Variants in SAMMSON observed in about 807,000 individuals in gnomAD.
The protein encoded by SAMMSON is long intergenic non-protein coding RNA 1212.
At chr3:70,008,291 G>A (rs138257139) in intron 1 of SAMMSON, among the ~76,000 whole-genome samples, 6 of 152,180 alleles carry the variant, frequency 3.9e-5, no homozygotes, top group East Asian at 1.9e-4. Context: ...TGGAATGTTC[G>A]TCCATTTGTT....
At chr3:70,242,801 C>A (rs984205367) in intron 4 of SAMMSON, among the ~76,000 whole-genome samples, 1 of 152,062 alleles carries the variant, frequency 6.6e-6, no homozygotes, top group South Asian at 2.1e-4. Flanking sequence ...TTTACACAAG[C>A]ATTGGTAATC....
rs115911111 is a variant in SAMMSON at position 70,229,266 on chromosome 3, G to A, written n.508-19841G>A. 6.5e-3 allele frequency among the ~76,000 whole-genome samples: 984 copies of A among 152,298 alleles called. 6 individuals are homozygous for A. Among genetic ancestry groups the A allele is most frequent in the African/African-American group, 0.023 (937 of 41,566 alleles). On this transcript the variant is annotated intron_variant and non_coding_transcript_variant, in intron 4 of 9. Transcript: ENST00000642114. ...TTCCAGAGATAGCCAAGGAGGGTGA[G>A]TGTGTGAAAGAATTTAGTGGGCAAC... is the stretch of plus-strand genomic sequence containing the variant.
intron 4 of SAMMSON, among the ~76,000 whole-genome samples, chr3:70,079,914 T>C (rs1247220635): frequency 6.6e-6 from 1 of 152,184 alleles, no homozygotes; most frequent in Non-Finnish European, 1.5e-5. Flanking sequence ...TGTGCTCTCC[T>C]CAGGGGCAGC....
At chr3:70,408,534 C>T (rs142218638) in intron 2 of SAMMSON, among the ~76,000 whole-genome samples, 6 of 152,282 alleles carry the variant, frequency 3.9e-5, no homozygotes, top group Non-Finnish European at 8.8e-5. Context: ...CAAAATGCTG[C>T]CAGTCTCTGC....
intron 4 of SAMMSON, among the ~76,000 whole-genome samples, chr3:70,247,902 T>C (rs981018619): frequency 2.6e-5 from 4 of 152,098 alleles, no homozygotes; most frequent in African/African-American, 9.6e-5. Context: ...GTTTCTGTTT[T>C]CTGTAGTAAA....
intron 4 of SAMMSON, among the ~76,000 whole-genome samples, chr3:70,131,776 G>A (rs148173923): frequency 2.4e-3 from 359 of 151,978 alleles, no homozygotes; most frequent in Non-Finnish European, 4.3e-3. Context: ...TAGAGGTAGG[G>A]TCTCACTAAA....
chr3:70,028,157 TC>T, intron 3 of SAMMSON, among the ~76,000 whole-genome samples: 1 of 135,368 alleles, frequency 7.4e-6, no homozygotes, highest in Admixed American at 7.8e-5. Context: ...CTTCCTTCCT[TC>T]CTTCCTTCCT....
intron 7 of SAMMSON, chr3:70,291,717 A>C (rs1357988280): frequency 6.6e-6 from 1 of 152,224 alleles, no homozygotes; most frequent in Non-Finnish European, 1.5e-5. Flanking sequence ...CCTGTGAGTC[A>C]CTGACAACAG....
intron 4 of SAMMSON, chr3:70,172,978 A>T (rs1218082111): frequency 2.0e-5 from 3 of 151,876 alleles, no homozygotes; most frequent in African/African-American, 7.3e-5. Flanking sequence ...TTGTCGAAGA[A>T]TTTTCTACTC....
chr3:70,150,875 C>T (rs1036456848), intron 4 of SAMMSON, among the ~76,000 whole-genome samples: 2 of 151,874 alleles, frequency 1.3e-5, no homozygotes, highest in African/African-American at 4.8e-5. Flanking sequence ...CTACAAATAA[C>T]AAATATCCAG....
chr3:70,053,133 C>T (rs1348793967), intron 3 of SAMMSON, among the ~76,000 whole-genome samples: 1 of 152,146 alleles, frequency 6.6e-6, no homozygotes, highest in African/African-American at 2.4e-5. Flanking sequence ...CCTTTTGGAG[C>T]ATTCATATCC....
At chr3:70,125,366 G>A (rs909561202) in intron 4 of SAMMSON, 3 of 1,449,412 alleles carry the variant, frequency 2.1e-6, no homozygotes, top group Non-Finnish European at 2.8e-6. Flanking sequence ...TCTACAGTTT[G>A]GTTCACCAGG....
intron 4 of SAMMSON, among the ~76,000 whole-genome samples, chr3:70,217,180 G>A (rs1475030939): frequency 6.6e-6 from 1 of 152,098 alleles, no homozygotes; most frequent in East Asian, 1.9e-4. Context: ...GAGGACCTGG[G>A]AGACCGTAGG....
intron 6 of SAMMSON, among the ~76,000 whole-genome samples, chr3:70,275,064 A>C (rs6549324): frequency 0.57 from 86,935 of 152,022 alleles, 26,178 homozygotes; most frequent in Non-Finnish European, 0.69. Flanking sequence ...AGGTGATATA[A>C]GCCTGCAGCT....
intron 3 of SAMMSON, among the ~76,000 whole-genome samples, chr3:70,038,544 T>G (rs984018658): frequency 6.6e-6 from 1 of 152,154 alleles, no homozygotes; most frequent in African/African-American, 2.4e-5. Flanking sequence ...CTAAATGTAC[T>G]AAGACTAGTA....
chr3:70,115,671 A>G (rs1215045418), intron 4 of SAMMSON, among the ~76,000 whole-genome samples: 1 of 152,148 alleles, frequency 6.6e-6, no homozygotes, highest in Non-Finnish European at 1.5e-5. Context: ...AGGCATTTGT[A>G]AGAATTTTCT....
intron 4 of SAMMSON, among the ~76,000 whole-genome samples, chr3:70,167,410 C>T (rs1223827558): frequency 6.6e-6 from 1 of 151,900 alleles, no homozygotes; most frequent in Non-Finnish European, 1.5e-5. Flanking sequence ...AAATAATACA[C>T]GTACATGAAA....
chr3:70,030,494 C>G (rs553114908), intron 3 of SAMMSON: 2 of 152,274 alleles, frequency 1.3e-5, no homozygotes, highest in East Asian at 3.9e-4. Context: ...TGACCATATG[C>G]CACACATGCT....
chr3:70,189,272 C>T (rs1382077329), intron 4 of SAMMSON, among the ~76,000 whole-genome samples: 1 of 152,138 alleles, frequency 6.6e-6, no homozygotes, highest in Non-Finnish European at 1.5e-5. Flanking sequence ...TCTAGAGTTT[C>T]ATAGGGCATC....
Sources: gnomAD v4.1 joint callset for allele counts (sites outside exome capture counted in the v4.1 genomes callset) on GRCh38, gnomAD v4.1.1 for gene constraint, MANE v1.5 for transcripts, NCBI Gene and HGNC (gene_info 2026-07-23, HGNC 2026-07-21) for gene names.